The following RGS7 variants were observed in gnomAD, a reference collection of about 807,000 sequenced individuals.
RGS7 encodes regulator of G protein signaling 7, also known as regulator of G-protein signaling 7.
A neutral mutation model predicts 81.1 loss-of-function variants in RGS7; 27 were observed. That is an observed-to-expected ratio of 0.33 (90% CI 0.25 to 0.46). The LOEUF (loss-of-function observed/expected upper bound fraction) is 0.46, where lower values mean the gene tolerates loss of function less well. Among genes scored for constraint, RGS7 ranks in the 20% least tolerant of loss-of-function variants. The pLI, the probability that RGS7 is intolerant of heterozygous loss-of-function variation, is 1.00. For missense variants in RGS7, 396 were observed against 607.4 expected, an observed-to-expected ratio of 0.65 and a Z score of 3.66; for synonymous variants, 208 against 207.7, an observed-to-expected ratio of 1.00 and a Z score of -0.01.
intron 9 of RGS7, among the ~76,000 whole-genome samples, chr1:240,863,193 G>T (rs1369390091): frequency 6.6e-6 from 1 of 152,092 alleles, no homozygotes; most frequent in Admixed American, 6.5e-5. Context: ...AAAATTTTAG[G>T]CCGGGCACGG....
intron 2 of RGS7, among the ~76,000 whole-genome samples, chr1:241,156,630 C>T (rs913738781): frequency 2.0e-5 from 3 of 151,394 alleles, no homozygotes; most frequent in African/African-American, 7.3e-5. Context: ...ATCCCTTCAC[C>T]GAAGACTTGT....
chr1:240,783,644 AT>A, intron 18 of RGS7, among the ~76,000 whole-genome samples: 2 of 151,866 alleles, frequency 1.3e-5, no homozygotes, highest in East Asian at 3.9e-4. Context: ...AAAATAAAAA[AT>A]AAAAAAAAAT....
At chr1:240,811,550 A>G (rs149362737) in intron 14 of RGS7, among the ~76,000 whole-genome samples, 3 of 152,376 alleles carry the variant, frequency 2.0e-5, no homozygotes, top group Non-Finnish European at 4.4e-5. Flanking sequence ...ACGCAAAGAT[A>G]GTCAACAATG....
Position 240,890,161 on chromosome 1 carries a change from C to CT in RGS7, c.386-20043dup, listed in dbSNP as rs902274080. ...CTTGATCTCTGGGGCTTCTGCCCTTCTTTTTTTTTTGAGACGGAGTCTCGC... is the reference window on the plus strand; with the variant it reads ...CTTGATCTCTGGGGCTTCTGCCCTTCTTTTTTTTTTTGAGACGGAGTCTCGC... On this transcript the variant is annotated intron_variant, in intron 6 of 18. Transcript: ENST00000440928. Among the ~76,000 whole-genome samples the CT allele has an allele frequency of 2.7e-3, 412 of 149,830 alleles. 3 individuals carry two copies. Among genetic ancestry groups the CT allele is most frequent in the East Asian group, 2.0e-3 (10 of 5,112 alleles).
At chr1:240,966,947 A>G (rs183159309) in intron 4 of RGS7, among the ~76,000 whole-genome samples, 2 of 152,332 alleles carry the variant, frequency 1.3e-5, no homozygotes. Context: ...TGGTTACCCA[A>G]CATGTGTGAA....
At chr1:241,233,981 T>C (rs1178311992) in intron 2 of RGS7, among the ~76,000 whole-genome samples, 1 of 152,174 alleles carries the variant, frequency 6.6e-6, no homozygotes, top group African/African-American at 2.4e-5. Context: ...TTGATTTGCA[T>C]TTCTTTAATC....
intron 2 of RGS7, among the ~76,000 whole-genome samples, chr1:241,123,473 G>A (rs188444522): frequency 2.1e-3 from 314 of 152,284 alleles, no homozygotes; most frequent in Non-Finnish European, 3.8e-3. Context: ...AACATGGGCC[G>A]GACACGGTGG....
In RGS7 at chr1:240,932,730, G is replaced by C. The variant is rs778164830; in HGVS notation, c.334-1962C>G. Reference sequence around the variant, plus strand: ...TCACCGTGTTAGCCAGGATGGTCTCGATCTCCTGACCTCGTGATCCGCCTG... The same window carrying C: ...TCACCGTGTTAGCCAGGATGGTCTCCATCTCCTGACCTCGTGATCCGCCTG... On this transcript the variant is annotated intron_variant, in intron 5 of 18. Coordinates refer to ENST00000440928, the MANE Select transcript of RGS7 (RefSeq NM_001364886.1). Among the ~76,000 whole-genome samples, 571 of 146,812 alleles carry C rather than the reference G, an allele frequency of 3.9e-3. 5 individuals carry two copies. Among genetic ancestry groups the C allele is most frequent in the African/African-American group, 0.013 (520 of 40,056 alleles).
At chr1:240,961,464 G>C (rs1681424443) in intron 4 of RGS7, among the ~76,000 whole-genome samples, 1 of 152,124 alleles carries the variant, frequency 6.6e-6, no homozygotes, top group Non-Finnish European at 1.5e-5. Flanking sequence ...GGGGTCTTTA[G>C]AAATTTACTA....
intron 3 of RGS7, among the ~76,000 whole-genome samples, chr1:241,000,977 T>G (rs1479895344): frequency 6.6e-6 from 1 of 152,120 alleles, no homozygotes; most frequent in Non-Finnish European, 1.5e-5. Context: ...TTTCACTAGC[T>G]ACACTTCAAG....
intron 3 of RGS7, among the ~76,000 whole-genome samples, chr1:241,025,697 CT>C (rs36073556): frequency 0.45 from 65,915 of 148,076 alleles, 14,670 homozygotes; most frequent in Middle Eastern, 0.53. Flanking sequence ...ATTCTAGAAG[CT>C]TTTTTTTTTT....
At chr1:240,812,861 C>A (rs146424384) in intron 13 of RGS7, among the ~76,000 whole-genome samples, 1 of 152,252 alleles carries the variant, frequency 6.6e-6, no homozygotes, top group African/African-American at 2.4e-5. Context: ...GTGACCTAAT[C>A]CCAACTGAGT....
In RGS7 at chr1:240,802,929, T is replaced by C; in HGVS notation, c.1334A>G (p.Gln445Arg). The change falls in exon 16 of 19, where the codon CAG becomes CGG. Residue 445 changes from glutamine to arginine, a missense_variant. By Grantham distance (43) the Gln-to-Arg change is conservative. Transcript: ENST00000440928. ...CTTTTTCTTTGCCTGTAGAAGCTCCTGATAGGCACTGGATCTTATAAAACG... is the reference window on the plus strand; with the variant it reads ...CTTTTTCTTTGCCTGTAGAAGCTCCCGATAGGCACTGGATCTTATAAAACG... ...YPRFIRSSAY[Q>R]ELLQAKKKSG... 1 of 1,612,018 alleles carries C rather than the reference T, an allele frequency of 6.2e-7. No individual in the cohort carries two copies. The highest frequency in any genetic ancestry group is 8.5e-7 in the Non-Finnish European group (1 of 1,178,242).
chr1:241,006,675 T>C (rs897891442), intron 3 of RGS7, among the ~76,000 whole-genome samples: 1 of 152,144 alleles, frequency 6.6e-6, no homozygotes, highest in Admixed American at 6.5e-5. Context: ...ATAAGGAAAG[T>C]ACTTCAGGAG....
chr1:241,347,613 GA>G (rs2082981599), intron 2 of RGS7, among the ~76,000 whole-genome samples: 1 of 152,104 alleles, frequency 6.6e-6, no homozygotes, highest in Non-Finnish European at 1.5e-5. Flanking sequence ...GAGATGCTAT[GA>G]AATAGAGATG....
At chr1:241,060,941 T>G (rs2061709743) in intron 3 of RGS7, among the ~76,000 whole-genome samples, 1 of 152,370 alleles carries the variant, frequency 6.6e-6, no homozygotes, top group Non-Finnish European at 1.5e-5. Flanking sequence ...AAGAATGGTC[T>G]CTGGATGGAA....
At chr1:240,911,569 A>T (rs1382549034) in intron 6 of RGS7, among the ~76,000 whole-genome samples, 1 of 152,148 alleles carries the variant, frequency 6.6e-6, no homozygotes. Flanking sequence ...TCTTGTCTTT[A>T]CTTTAGAATT....
intron 4 of RGS7, among the ~76,000 whole-genome samples, chr1:240,975,194 G>C (rs1389021444): frequency 6.6e-6 from 1 of 152,100 alleles, no homozygotes; most frequent in Non-Finnish European, 1.5e-5. Context: ...ATGAAGTCAA[G>C]AGATCGAGAC....
intron 15 of RGS7, among the ~76,000 whole-genome samples, chr1:240,804,421 C>G (rs1313100712): frequency 6.6e-6 from 1 of 151,754 alleles, no homozygotes; most frequent in Non-Finnish European, 1.5e-5. Flanking sequence ...AATCAGAACC[C>G]AGGCAATTTA....
Sources: gnomAD v4.1 joint callset for allele counts (sites outside exome capture counted in the v4.1 genomes callset) on GRCh38, gnomAD v4.1.1 for gene constraint, MANE v1.5 for transcripts, NCBI Gene and HGNC (gene_info 2026-07-23, HGNC 2026-07-21) for gene names.